The following MLPH variants were observed in gnomAD, a reference collection of about 807,000 sequenced individuals.
MLPH encodes melanophilin.
In MLPH, 51 loss-of-function variants were observed where a neutral mutation model predicts 72.1. That is an observed-to-expected ratio of 0.71 (90% CI 0.56 to 0.89). The LOEUF (loss-of-function observed/expected upper bound fraction) is 0.89, where lower values mean the gene tolerates loss of function less well. MLPH is among the 40% of genes least tolerant of loss of function. MLPH has a pLI of 0.00. For synonymous variants in MLPH, 301 were observed against 310.1 expected, an observed-to-expected ratio of 0.97 and a Z score of 0.31; for missense variants, 743 against 759.9, an observed-to-expected ratio of 0.98 and a Z score of 0.26.
chr2:237,515,287 T>A (rs940771063), intron 4 of MLPH, among the ~76,000 whole-genome samples: 2 of 152,172 alleles, frequency 1.3e-5, no homozygotes, highest in Admixed American at 6.5e-5. Context: ...GCGTCGGTGA[T>A]TGATTGAGTA....
At chr2:237,523,290 AC>A (rs1238552324) in intron 6 of MLPH, among the ~76,000 whole-genome samples, 1 of 152,092 alleles carries the variant, frequency 6.6e-6, no homozygotes, top group East Asian at 1.9e-4. Context: ...TTGGGTATGA[AC>A]CTTTTTTGCA....
upstream of MLPH, among the ~76,000 whole-genome samples, chr2:237,486,891 CAG>C (rs2079326994): frequency 6.6e-6 from 1 of 152,182 alleles, no homozygotes; most frequent in Non-Finnish European, 1.5e-5. Flanking sequence ...GCTTTCCCTG[CAG>C]AGTTAGAAAT....
chr2:237,508,877 C>A (rs2079831623), intron 2 of MLPH, among the ~76,000 whole-genome samples: 2 of 152,222 alleles, frequency 1.3e-5, no homozygotes, highest in Admixed American at 1.3e-4. Context: ...CCATTCAGCA[C>A]ACCAAGCTGA....
chr2:237,507,619 C>T (rs191278684), intron 2 of MLPH, among the ~76,000 whole-genome samples: 70 of 152,262 alleles, frequency 4.6e-4, no homozygotes, highest in African/African-American at 1.6e-3. Flanking sequence ...CTCTCACCAG[C>T]GATCTCATCA....
chr2:237,542,623 G>T lies in MLPH; in HGVS notation c.1503G>T (p.Lys501Asn), dbSNP rs1311082678. The T allele has an allele frequency of 2.0e-5, 32 of 1,600,256 alleles. No homozygotes were observed. Among genetic ancestry groups the T allele is most frequent in the Non-Finnish European group, 2.7e-5 (32 of 1,174,354 alleles). Residue 501 changes from lysine to asparagine, a missense_variant, in exon 12 of 16, where the codon AAG becomes AAT. Transcript: ENST00000264605. ...AALRAAGLTV[K>N]PSGKPRRKSN... Reference sequence around the variant, plus strand: ...TGAGGGCCGCAGGGCTCACGGTGAAGCCCTCGGGAAAGCCCCGGAGGAAGT... The same window carrying T: ...TGAGGGCCGCAGGGCTCACGGTGAATCCCTCGGGAAAGCCCCGGAGGAAGT...
At chr2:237,504,623 C>T (rs994807035) in intron 2 of MLPH, among the ~76,000 whole-genome samples, 6 of 152,202 alleles carry the variant, frequency 3.9e-5, no homozygotes, top group Admixed American at 3.9e-4. Context: ...CAGAAGGGCC[C>T]CCTGCATGAC....
At chr2:237,538,966 G>C (rs1456204039) in intron 9 of MLPH, among the ~76,000 whole-genome samples, 1 of 152,216 alleles carries the variant, frequency 6.6e-6, no homozygotes, top group Admixed American at 6.5e-5. Context: ...GCTGTCTAAG[G>C]TCAAGTGTTG....
intron 6 of MLPH, among the ~76,000 whole-genome samples, chr2:237,524,064 G>T (rs902207896): frequency 5.3e-5 from 8 of 152,058 alleles, no homozygotes; most frequent in African/African-American, 1.9e-4. Context: ...ATGGCTACTA[G>T]GTAGAATTTT....
chr2:237,498,364 G>T (rs931843774), intron 2 of MLPH, among the ~76,000 whole-genome samples: 6 of 152,224 alleles, frequency 3.9e-5, no homozygotes, highest in African/African-American at 1.4e-4. Flanking sequence ...CGCTGGGCAG[G>T]GTCTGGAGGT....
intron 7 of MLPH, 96 bp from the exon 8 acceptor site, chr2:237,527,280 AT>A (rs780083565): frequency 6.0e-6 from 9 of 1,501,124 alleles, no homozygotes; most frequent in South Asian, 5.7e-5. Context: ...TTATGTCTTC[AT>A]TTTCTTTGAG....
intron 7 of MLPH, among the ~76,000 whole-genome samples, chr2:237,526,524 A>G (rs531704892): frequency 1.4e-4 from 22 of 152,286 alleles, no homozygotes; most frequent in African/African-American, 4.8e-4. Flanking sequence ...CTTTCCCCCA[A>G]AAACAATGAT....
intron 9 of MLPH, among the ~76,000 whole-genome samples, chr2:237,538,448 G>A (rs2080586414): frequency 6.6e-6 from 1 of 152,236 alleles, no homozygotes; most frequent in African/African-American, 2.4e-5. Flanking sequence ...GGGAGGGTGA[G>A]GGGAGGAAAG....
chr2:237,521,657 A>T (rs2080184443), intron 6 of MLPH, among the ~76,000 whole-genome samples: 1 of 152,250 alleles, frequency 6.6e-6, no homozygotes, highest in Non-Finnish European at 1.5e-5. Flanking sequence ...GCCAGACAGA[A>T]TGTAAAGGTT....
intron 1 of MLPH, among the ~76,000 whole-genome samples, chr2:237,490,683 T>C (rs1020781598): frequency 4.6e-5 from 7 of 152,202 alleles, no homozygotes; most frequent in Admixed American, 3.3e-4. Context: ...GATCCCTTTT[T>C]TTTCAGAACT....
intron 12 of MLPH, among the ~76,000 whole-genome samples, chr2:237,545,993 G>C (rs545288665): frequency 6.6e-6 from 1 of 152,312 alleles, no homozygotes; most frequent in East Asian, 1.9e-4. Context: ...ACTTGTGCCC[G>C]AGGTGGTTAG....
intron 2 of MLPH, among the ~76,000 whole-genome samples, chr2:237,503,493 G>A (rs1205334281): frequency 6.6e-6 from 1 of 152,118 alleles, no homozygotes; most frequent in African/African-American, 2.4e-5. Context: ...TGGGTCCCCG[G>A]TGCTGCTCCT....
At position 237,541,170 on chromosome 2, in the gene MLPH, C is replaced by T. The variant is rs1295420593; in HGVS notation, c.1446+213C>T. Among the ~76,000 whole-genome samples, 3 of 152,178 alleles carry T rather than the reference C, an allele frequency of 2.0e-5. No individual in the cohort carries two copies. Among genetic ancestry groups the T allele is most frequent in the Non-Finnish European group, 4.4e-5 (3 of 68,026 alleles). Reference sequence around the variant, plus strand: ...ACCCCCTGAGCCCTCCACCCCTTCCCTTTTTCCTGTTCAACTTGGTGAGGG... The same window carrying T: ...ACCCCCTGAGCCCTCCACCCCTTCCTTTTTTCCTGTTCAACTTGGTGAGGG... On this transcript the variant is annotated intron_variant, in intron 11 of 15. Coordinates refer to ENST00000264605, the MANE Select transcript of MLPH (RefSeq NM_024101.7). This position sits in a 1 kb window ranked among gnomAD's most constrained non-coding sequence, Gnocchi z 5.1.
At chr2:237,496,937 T>C (rs1354151606) in intron 2 of MLPH, among the ~76,000 whole-genome samples, 1 of 152,110 alleles carries the variant, frequency 6.6e-6, no homozygotes, top group African/African-American at 2.4e-5. Context: ...AGGCAAAGAA[T>C]CATGTAAACC....
Position 237,541,597 on chromosome 2 carries a change from G to A in MLPH, c.1446+640G>A, listed in dbSNP as rs2080687130. Among the ~76,000 whole-genome samples, 1 of 152,214 alleles carries A rather than the reference G, an allele frequency of 6.6e-6. No homozygotes were observed. The highest frequency in any genetic ancestry group is 2.1e-4 in the South Asian group (1 of 4,822). ...AAGGACAAAGGGCACGTCCCCTAGA[G>A]CTGTTCAAGGGGAGCGAGTCAGGCT... On this transcript the variant is annotated intron_variant, in intron 11 of 15. Coordinates refer to ENST00000264605, the MANE Select transcript of MLPH (RefSeq NM_024101.7). The surrounding 1 kb of genome is among the most constrained non-coding windows in gnomAD (Gnocchi z 5.1).
Sources: allele counts gnomAD v4.1 joint callset (sites outside exome capture counted in the v4.1 genomes callset), GRCh38; gene constraint gnomAD v4.1.1; non-coding constraint Gnocchi (gnomAD v3.1); transcripts MANE v1.5; gene names NCBI Gene and HGNC (gene_info 2026-07-23, HGNC 2026-07-21).